The following DCLK2 variants were observed in gnomAD, a reference collection of about 807,000 sequenced individuals.
DCLK2 encodes serine/threonine-protein kinase DCLK2.
Under a neutral mutation model 78.4 loss-of-function variants are expected in DCLK2, and 31 were observed. The ratio of observed to expected loss-of-function variants is 0.40; its 90% CI spans 0.30 to 0.53. The LOEUF is 0.53. Ranked by LOEUF, DCLK2 falls within the 20% of genes least tolerant of loss-of-function variation. DCLK2 has a pLI of 0.61. For synonymous variants in DCLK2, 407 were observed against 374.9 expected (o/e 1.09, Z -0.99); for missense variants, 872 against 973.7 (o/e 0.90, Z 1.39).
intron 2 of DCLK2, among the ~76,000 whole-genome samples, chr4:150,153,727 A>G (rs1028984412): frequency 1.3e-5 from 2 of 151,934 alleles, no homozygotes; most frequent in African/African-American, 2.4e-5. Context: ...AAACTCTTAC[A>G]TGTTTATTAA....
chr4:150,205,308 G>A (rs1411601367), intron 5 of DCLK2, among the ~76,000 whole-genome samples: 2 of 152,156 alleles, frequency 1.3e-5, no homozygotes, highest in Non-Finnish European at 2.9e-5. Context: ...CCCTGAGAAT[G>A]TTGTATGTCC....
chr4:150,222,383 G>C (rs1741250371), intron 7 of DCLK2, among the ~76,000 whole-genome samples: 1 of 152,184 alleles, frequency 6.6e-6, no homozygotes, highest in African/African-American at 2.4e-5. Context: ...GGAATGAGAA[G>C]AATAAGTCAT....
chr4:150,135,508 A>G (rs958535099), intron 2 of DCLK2, among the ~76,000 whole-genome samples: 13 of 152,196 alleles, frequency 8.5e-5, no homozygotes, highest in African/African-American at 2.9e-4. Context: ...AAGACCCATC[A>G]CCGTCTTCAA....
chr4:150,190,376 A>G (rs1347343823), intron 2 of DCLK2, among the ~76,000 whole-genome samples: 1 of 152,176 alleles, frequency 6.6e-6, no homozygotes, highest in Non-Finnish European at 1.5e-5. Flanking sequence ...GGTGGTAAGA[A>G]TCAGCTCTGA....
rs573118749 is a variant in DCLK2, at chr4:150,097,698, G to T, written c.422-4780G>T. On this transcript the variant is annotated intron_variant, in intron 1 of 15. Coordinates refer to ENST00000296550, the MANE Select transcript of DCLK2 (RefSeq NM_001040260.4). ...GAAAGAGTCTTATAGGATATTGAAG[G>T]AATGCTTTCTGTTCCATTACCATGC... Among the ~76,000 whole-genome samples, 13 of 152,272 alleles carry T rather than the reference G, an allele frequency of 8.5e-5. No individual in the cohort carries two copies. In the South Asian group the frequency reaches 2.7e-3, roughly 32 times the overall value.
chr4:150,245,445 C>A (rs943227497), intron 12 of DCLK2, among the ~76,000 whole-genome samples: 1 of 152,024 alleles, frequency 6.6e-6, no homozygotes, highest in East Asian at 1.9e-4. Context: ...TGTATACATG[C>A]GTCATGCTGG....
At chr4:150,104,988 C>T (rs1731156245) in intron 2 of DCLK2, among the ~76,000 whole-genome samples, 1 of 151,858 alleles carries the variant, frequency 6.6e-6, no homozygotes, top group African/African-American at 2.4e-5. Context: ...AGATGGGGAA[C>T]CTAACAAAAT....
In DCLK2 at chr4:150,257,057, T is replaced by C. The variant is rs1744619962; in HGVS notation, c.*810T>C. ...GCTTTTTAATGAGAGGCTTGGCGCA[T>C]GCGGCACCCAGCGGCTGCTTCCCTG... is the stretch of plus-strand genomic sequence containing the variant. On this transcript the variant is annotated 3_prime_UTR_variant, in exon 16 of 16. Transcript: ENST00000296550. 1.3e-5 allele frequency: 2 copies of C among 152,288 alleles called. No individual in the cohort carries two copies. Among genetic ancestry groups the C allele is most frequent in the African/African-American group, 2.4e-5 (1 of 41,470 alleles). The allele number at this position is 152,288 out of a possible 1,614,324, so 9.4% of individuals were successfully genotyped here. A position where few individuals can be genotyped will look rare whatever the true frequency, so the allele number is the denominator to read the frequency against.
chr4:150,248,171 G>C, intron 13 of DCLK2, 134 bp from the exon 14 acceptor site: 2 of 695,512 alleles, frequency 2.9e-6, no homozygotes, highest in Non-Finnish European at 5.1e-6. Context: ...GTATAATCAC[G>C]TTTAGGTTTG....
intron 10 of DCLK2, 113 bp downstream of exon 10, chr4:150,232,941 A>C (rs529438488): frequency 7.6e-7 from 1 of 1,316,882 alleles, no homozygotes; most frequent in East Asian, 2.4e-5. Flanking sequence ...TGAGACTTTA[A>C]ATTTAGAAAA....
At chr4:150,204,060 A>G (rs1739659003) in intron 5 of DCLK2, among the ~76,000 whole-genome samples, 171 bp downstream of exon 5, 1 of 152,208 alleles carries the variant, frequency 6.6e-6, no homozygotes, top group Non-Finnish European at 1.5e-5. Context: ...AATTTTGGCA[A>G]ACTCACTTAA....
intron 1 of DCLK2, among the ~76,000 whole-genome samples, chr4:150,100,338 A>G (rs1730801028): frequency 6.6e-6 from 1 of 152,238 alleles, no homozygotes; most frequent in Non-Finnish European, 1.5e-5. Context: ...AACATTCTGA[A>G]CTTGTGTAAG....
At chr4:150,155,313 C>G (rs928729347) in intron 2 of DCLK2, among the ~76,000 whole-genome samples, 1 of 152,152 alleles carries the variant, frequency 6.6e-6, no homozygotes, top group Non-Finnish European at 1.5e-5. Context: ...CATTAACAAC[C>G]TACAGATAAG....
chr4:150,136,965 T>C (rs562730288), intron 2 of DCLK2, among the ~76,000 whole-genome samples: 2 of 138,044 alleles, frequency 1.4e-5, no homozygotes, highest in South Asian at 5.4e-4. Flanking sequence ...TCTCATCTTT[T>C]TCTTCTTCTT....
At chr4:150,207,183 C>G (rs998047084) in intron 5 of DCLK2, among the ~76,000 whole-genome samples, 1 of 152,092 alleles carries the variant, frequency 6.6e-6, no homozygotes, top group African/African-American at 2.4e-5. Flanking sequence ...TCCAGAGAAT[C>G]AGAGAATTGA....
intron 2 of DCLK2, among the ~76,000 whole-genome samples, chr4:150,160,792 A>G (rs1291480119): frequency 6.6e-6 from 1 of 152,168 alleles, no homozygotes; most frequent in Non-Finnish European, 1.5e-5. Context: ...ATATTTGGAA[A>G]CATTTGTGTT....
In DCLK2 at chr4:150,221,701, A is replaced by G. The variant is rs142061527; in HGVS notation, c.1157A>G (p.Glu386Gly). 1 of 1,601,204 alleles carries G rather than the reference A, an allele frequency of 6.2e-7. No homozygotes were observed. Among genetic ancestry groups the G allele is most frequent in the Non-Finnish European group, 8.5e-7 (1 of 1,175,546 alleles). The change falls in exon 7 of 16, where the codon GAA becomes GGA. Residue 386 changes from glutamate to glycine, a missense_variant. This residue lies in a region of DCLK2 where 567 missense variants were observed against 593.4 expected (regional missense o/e 0.96). Transcript: ENST00000296550. ...PEGVNGNRCS[E>G]SSTLLEKYKI... ...GGTGTGAATGGAAACAGATGCTCTG[A>G]ATCATCAACTCTTCTTGAGAAATAC...
intron 8 of DCLK2, among the ~76,000 whole-genome samples, chr4:150,230,756 G>A (rs1455234846): frequency 6.6e-6 from 1 of 152,196 alleles, no homozygotes; most frequent in Admixed American, 6.5e-5. Flanking sequence ...CCCAAGGGAG[G>A]AAACGGGGCT....
chr4:150,110,425 A>G (rs1446075538), intron 2 of DCLK2, among the ~76,000 whole-genome samples: 6 of 152,122 alleles, frequency 3.9e-5, no homozygotes, highest in Non-Finnish European at 2.9e-5. Context: ...TAGGTAATAG[A>G]TAACAACTAA....
Sources: gnomAD v4.1 joint callset for allele counts (sites outside exome capture counted in the v4.1 genomes callset) on GRCh38, gnomAD v4.1.1 for gene constraint, gnomAD v4.1.1 regional missense constraint, MANE v1.5 for transcripts, NCBI Gene and HGNC (gene_info 2026-07-23, HGNC 2026-07-21) for gene names.